The following SLC2A13 variants were observed in gnomAD, a reference collection of about 807,000 sequenced individuals.
SLC2A13 encodes the protein solute carrier family 2 member 13, also known as proton myo-inositol cotransporter.
In SLC2A13, 32 loss-of-function variants were observed where a neutral mutation model predicts 64.4. The ratio of observed to expected loss-of-function variants is 0.50; its 90% confidence interval spans 0.37 to 0.67. SLC2A13 has a LOEUF of 0.67. Among genes scored for constraint, SLC2A13 ranks in the 30% least tolerant of loss-of-function variants. The pLI, the probability that SLC2A13 is intolerant of heterozygous loss-of-function variation, is 0.00. For missense variants in SLC2A13, 743 were observed against 829.2 expected (o/e 0.90, Z 1.28); for synonymous variants, 338 against 327.1 (o/e 1.03, Z -0.36).
At chr12:40,066,544 G>A (rs543322597) in intron 1 of SLC2A13, among the ~76,000 whole-genome samples, 2 of 152,226 alleles carry the variant, frequency 1.3e-5, no homozygotes, top group South Asian at 2.1e-4. Flanking sequence ...CACTTATTCC[G>A]AAAATGTTTC....
rs60000991 is a variant in SLC2A13, at chr12:40,030,746, G to A, written c.717-2237C>T. Among the ~76,000 whole-genome samples, 11 of 152,106 alleles carry A rather than the reference G, an allele frequency of 7.2e-5. No individual in the cohort carries two copies. In the East Asian group the frequency reaches 2.1e-3, roughly 29 times the overall value. On this transcript the variant is annotated intron_variant, in intron 2 of 9. Transcript: ENST00000280871. The stretch of plus-strand genomic sequence containing the variant: ...AAACAGAAAAAAAGACAAGGGAAGA[G>A]AAGAGAAGAGAAAAGAGAAGACAAA...
intron 7 of SLC2A13, among the ~76,000 whole-genome samples, chr12:39,808,537 G>T (rs1355184990): frequency 6.6e-6 from 1 of 152,132 alleles, no homozygotes; most frequent in Non-Finnish European, 1.5e-5. Flanking sequence ...TTTCTGAAGT[G>T]TTTGTACCAA....
chr12:39,803,860 C>T (rs1464230185), intron 7 of SLC2A13, among the ~76,000 whole-genome samples: 1 of 151,794 alleles, frequency 6.6e-6, no homozygotes, highest in African/African-American at 2.4e-5. Context: ...TGATGGAAAA[C>T]AAGAATCTTC....
At position 39,838,427 on chromosome 12, in the gene SLC2A13, C is replaced by A. The variant is rs528541561; in HGVS notation, c.1320-8199G>T. Among the ~76,000 whole-genome samples the A allele has an allele frequency of 5.0e-3, 733 of 145,264 alleles. 5 individuals carry two copies. The highest frequency in any genetic ancestry group is 0.018 in the African/African-American group (691 of 38,800). ...TAGTGGGTGCAGCGCACCAGCATGG[C>A]ACATGTATACATATGTAACTAACCT... On this transcript the variant is annotated intron_variant, in intron 6 of 9. Coordinates refer to ENST00000280871, the MANE Select transcript of SLC2A13 (RefSeq NM_052885.4).
At chr12:40,015,767 G>T (rs1592008453) in intron 3 of SLC2A13, among the ~76,000 whole-genome samples, 1 of 152,110 alleles carries the variant, frequency 6.6e-6, no homozygotes, top group East Asian at 1.9e-4. Flanking sequence ...TATAAAGGCA[G>T]ATGGGTTGGA....
chr12:39,917,589 T>A (rs947188624), intron 4 of SLC2A13, among the ~76,000 whole-genome samples: 1 of 151,958 alleles, frequency 6.6e-6, no homozygotes, highest in East Asian at 1.9e-4. Context: ...TGAAGCAAAA[T>A]TTTGCCCCTC....
At chr12:40,083,709 A>G (rs1025305841) in intron 1 of SLC2A13, among the ~76,000 whole-genome samples, 1 of 152,182 alleles carries the variant, frequency 6.6e-6, no homozygotes, top group Non-Finnish European at 1.5e-5. Flanking sequence ...CTTTTCTGCC[A>G]TTGGTGTTCA....
chr12:39,785,869 C>T (rs1302341368), intron 7 of SLC2A13, among the ~76,000 whole-genome samples: 1 of 152,150 alleles, frequency 6.6e-6, no homozygotes, highest in African/African-American at 2.4e-5. Flanking sequence ...CCTATAACCA[C>T]TTTGTTTTGG....
At chr12:39,962,293 G>T (rs558822911) in intron 3 of SLC2A13, among the ~76,000 whole-genome samples, 1 of 152,078 alleles carries the variant, frequency 6.6e-6, no homozygotes, top group East Asian at 1.9e-4. Context: ...GTTTCACCAT[G>T]TTGGCCAGGC....
Position 39,810,886 on chromosome 12 carries a change from T to C in SLC2A13, c.1445+19217A>G, listed in dbSNP as rs112996524. On this transcript the variant is annotated intron_variant, in intron 7 of 9. Transcript: ENST00000280871. Reference sequence around the variant, plus strand: ...GATACTGCGATGTTCATCTATAGTTTTTCTTTCTTGCAGTTTCTGGATAGA... The same window carrying C: ...GATACTGCGATGTTCATCTATAGTTCTTCTTTCTTGCAGTTTCTGGATAGA... Among the ~76,000 whole-genome samples, 834 of 152,254 alleles carry C rather than the reference T, an allele frequency of 5.5e-3. 7 individuals are homozygous for C. Among genetic ancestry groups the C allele is most frequent in the African/African-American group, 0.019 (790 of 41,572 alleles).
At chr12:40,015,004 C>T (rs1038600241) in intron 3 of SLC2A13, among the ~76,000 whole-genome samples, 5 of 152,032 alleles carry the variant, frequency 3.3e-5, no homozygotes, top group South Asian at 2.1e-4. Flanking sequence ...CTTGTAGGTA[C>T]GTCTCTATTC....
At chr12:40,053,612 C>A (rs903749803) in intron 1 of SLC2A13, among the ~76,000 whole-genome samples, 1 of 152,132 alleles carries the variant, frequency 6.6e-6, no homozygotes, top group Admixed American at 6.6e-5. Flanking sequence ...CTATTGCCTG[C>A]TAAGTGACTT....
intron 1 of SLC2A13, among the ~76,000 whole-genome samples, chr12:40,077,558 T>C (rs765082047): frequency 7.2e-5 from 11 of 152,210 alleles, no homozygotes; most frequent in Non-Finnish European, 1.5e-4. Flanking sequence ...ACTGTAGCCA[T>C]GTAATATAGT....
intron 3 of SLC2A13, among the ~76,000 whole-genome samples, chr12:40,012,053 C>T (rs939782774): frequency 1.3e-5 from 2 of 152,136 alleles, no homozygotes; most frequent in African/African-American, 4.8e-5. Flanking sequence ...TGCTGCATCT[C>T]AATAAGCCAA....
At chr12:40,013,015 A>G (rs1436044105) in intron 3 of SLC2A13, among the ~76,000 whole-genome samples, 2 of 152,338 alleles carry the variant, frequency 1.3e-5, no homozygotes, top group Non-Finnish European at 2.9e-5. Flanking sequence ...AAAGACATTT[A>G]TATGATCTTC....
At chr12:39,998,824 AG>A (rs1947276382) in intron 3 of SLC2A13, among the ~76,000 whole-genome samples, 1 of 152,180 alleles carries the variant, frequency 6.6e-6, no homozygotes, top group African/African-American at 2.4e-5. Flanking sequence ...TGGAGGGGCC[AG>A]GGGCAGAATG....
At position 39,830,410 on chromosome 12, in the gene SLC2A13, G is replaced by T. The variant is rs1463962888; in HGVS notation, c.1320-182C>A. ...CAGGTGAGAGCTGGCTGGTCTCTTC[G>T]ATTTCTCCCTCTTTTGGCCACAGCA... is the stretch of plus-strand genomic sequence containing the variant. On this transcript the variant is annotated intron_variant, in intron 6 of 9. Transcript: ENST00000280871. 3.0e-6 allele frequency: 4 copies of T among 1,322,502 alleles called. No individual in the cohort carries two copies. The African/African-American group carries it at 5.9e-5, about 20-fold the overall frequency. The allele number at this position is 1,322,502 out of a possible 1,614,324, so 81.9% of individuals were successfully genotyped here.
At chr12:39,921,101 G>A (rs1297266226) in intron 4 of SLC2A13, among the ~76,000 whole-genome samples, 1 of 152,052 alleles carries the variant, frequency 6.6e-6, no homozygotes, top group East Asian at 1.9e-4. Context: ...ATTGATTATG[G>A]TTTTATACAT....
intron 4 of SLC2A13, among the ~76,000 whole-genome samples, chr12:39,873,330 G>A (rs1234221730): frequency 1.3e-5 from 2 of 152,194 alleles, no homozygotes; most frequent in Non-Finnish European, 1.5e-5. Context: ...TGCAGTCAGA[G>A]TGTAAAGTGA....
Sources: gnomAD v4.1 joint callset for allele counts (sites outside exome capture counted in the v4.1 genomes callset) on GRCh38, gnomAD v4.1.1 for gene constraint, MANE v1.5 for transcripts, NCBI Gene and HGNC (gene_info 2026-07-23, HGNC 2026-07-21) for gene names.